AKAP13: variants seen among roughly 807,000 people sequenced by gnomAD.
The protein encoded by AKAP13 is A-kinase anchor protein 13.
A neutral mutation model predicts 264.5 loss-of-function variants in AKAP13; 80 were observed. The ratio of observed to expected loss-of-function variants is 0.30; its 90% CI spans 0.25 to 0.36. The LOEUF is 0.36. Among genes scored for constraint, AKAP13 ranks in the 10% least tolerant of loss-of-function variants. The pLI is 1.00. For missense variants in AKAP13, 3,712 were observed against 3,435.2 expected (o/e 1.08, Z -2.01); for synonymous variants, 1,380 against 1,250.2 (o/e 1.10, Z -2.19).
intron 1 of AKAP13, among the ~76,000 whole-genome samples, chr15:85,410,017 A>C (rs1179286475): frequency 2.0e-5 from 3 of 151,672 alleles, no homozygotes; most frequent in Non-Finnish European, 2.9e-5. Context: ...CAAATGAAGA[A>C]ATTAGTTTCC....
At chr15:85,453,927 G>A (rs2074186106) in intron 1 of AKAP13, among the ~76,000 whole-genome samples, 1 of 152,250 alleles carries the variant, frequency 6.6e-6, no homozygotes, top group Admixed American at 6.5e-5. Context: ...GCTGTGCTGT[G>A]CTGTGCTGGG....
intron 35 of AKAP13, 100 bp from the exon 36 acceptor site, chr15:85,743,392 C>G (rs1597251474): frequency 2.3e-6 from 3 of 1,321,828 alleles, no homozygotes; most frequent in Non-Finnish European, 3.1e-6. Context: ...GGGTAAGTAC[C>G]CAGCCAGCAC....
In AKAP13 at chr15:85,470,973, C is replaced by T. The variant is rs369602846; in HGVS notation, c.-11-14737C>T. 1.4e-4 allele frequency among the ~76,000 whole-genome samples: 21 copies of T among 152,330 alleles called. No homozygotes were observed. In the East Asian group the frequency reaches 3.5e-3, roughly 25 times the overall value. On this transcript the variant is annotated intron_variant, in intron 1 of 36. Transcript: ENST00000394518. ...CTTTGTAGCGCTTTTAAACAAACAT[C>T]TGGCACTATCTTAGTTACCTAGTTT...
chr15:85,644,152 A>G (rs1229179074), intron 9 of AKAP13, among the ~76,000 whole-genome samples: 1 of 152,020 alleles, frequency 6.6e-6, no homozygotes, highest in African/African-American at 2.4e-5. Flanking sequence ...TCACCTACAA[A>G]TTTGATAAAG....
chr15:85,682,025 AGGAGGAGGTACCATGT>A, intron 14 of AKAP13, 117 bp from the exon 15 acceptor site: 1 of 753,234 alleles, frequency 1.3e-6, no homozygotes, highest in Non-Finnish European at 2.2e-6. Context: ...AACCTTTAGA[AGGAGGAGGTACCATGT>A]GCTGACTTTC....
chr15:85,737,490 C>T (rs2088628132), intron 33 of AKAP13, among the ~76,000 whole-genome samples: 1 of 152,086 alleles, frequency 6.6e-6, no homozygotes, highest in South Asian at 2.1e-4. Flanking sequence ...TTGCTTTTAA[C>T]GTTAAGTTAA....
Position 85,582,118 on chromosome 15 carries a change from CATA to C in AKAP13, c.4039+15_4039+17del. ...CTGAGCCAGCAGCAGGTAAGCAAAA[CATA>C]ATACAAAATTAACAGTCTGAGAAGC... On this transcript the variant is annotated intron_variant, in intron 7 of 36. Transcript: ENST00000394518. The C allele has an allele frequency of 6.4e-7, 1 of 1,568,932 alleles. No individual in the cohort carries two copies. The highest frequency in any genetic ancestry group is 8.6e-7 in the Non-Finnish European group (1 of 1,161,024).
intron 16 of AKAP13, among the ~76,000 whole-genome samples, chr15:85,690,877 T>A (rs2085244871): frequency 6.6e-6 from 1 of 152,226 alleles, no homozygotes; most frequent in African/African-American, 2.4e-5. Flanking sequence ...TTATTAAACA[T>A]CTCTAAGCTT....
intron 1 of AKAP13, among the ~76,000 whole-genome samples, chr15:85,385,981 A>G (rs1160185962): frequency 6.6e-6 from 1 of 151,962 alleles, no homozygotes; most frequent in African/African-American, 2.4e-5. Flanking sequence ...ACACACCACC[A>G]CACCCAGCTA....
intron 36 of AKAP13, 36 bp from the exon 37 acceptor site, chr15:85,744,592 C>A: frequency 6.2e-7 from 1 of 1,611,644 alleles, no homozygotes; most frequent in Non-Finnish European, 8.5e-7. Context: ...AGCAGTTTTT[C>A]TGAATTTTTT....
intron 1 of AKAP13, among the ~76,000 whole-genome samples, chr15:85,467,007 G>A (rs2151014138): frequency 6.6e-6 from 1 of 151,542 alleles, no homozygotes; most frequent in Non-Finnish European, 1.5e-5. Flanking sequence ...GGTTTGTTAA[G>A]TAAATAGTAA....
At chr15:85,512,598 C>T (rs890584607) in intron 2 of AKAP13, among the ~76,000 whole-genome samples, 9 of 152,080 alleles carry the variant, frequency 5.9e-5, no homozygotes, top group Non-Finnish European at 1.2e-4. Context: ...TTTGAATTCC[C>T]GCTTGACCCC....
intron 1 of AKAP13, among the ~76,000 whole-genome samples, chr15:85,397,130 T>TA (rs1567037242): frequency 6.7e-6 from 1 of 149,016 alleles, no homozygotes; most frequent in Non-Finnish European, 1.5e-5. Context: ...AATACCTCCA[T>TA]AAATCTTGTA....
chr15:85,488,554 T>A (rs1400372495), intron 2 of AKAP13, among the ~76,000 whole-genome samples: 1 of 152,218 alleles, frequency 6.6e-6, no homozygotes, highest in Non-Finnish European at 1.5e-5. Flanking sequence ...TCATACTTGA[T>A]TAAGTTGAGG....
intron 3 of AKAP13, among the ~76,000 whole-genome samples, chr15:85,529,617 T>G (rs1477486446): frequency 1.3e-5 from 2 of 152,200 alleles, no homozygotes; most frequent in African/African-American, 4.8e-5. Flanking sequence ...ACCCCCCAGG[T>G]GCTTTATCAG....
chr15:85,607,353 A>G (rs574445553), intron 8 of AKAP13, among the ~76,000 whole-genome samples: 2 of 152,242 alleles, frequency 1.3e-5, no homozygotes, highest in East Asian at 1.9e-4. Flanking sequence ...AGAATTTACC[A>G]TAGTTACTTG....
At chr15:85,488,935 AG>A (rs1284147898) in intron 2 of AKAP13, among the ~76,000 whole-genome samples, 2 of 152,256 alleles carry the variant, frequency 1.3e-5, no homozygotes, top group Non-Finnish European at 2.9e-5. Context: ...GAAAACTAAT[AG>A]AGTAGTAGTT....
At chr15:85,453,819 G>T (rs990740155) in intron 1 of AKAP13, among the ~76,000 whole-genome samples, 1 of 152,042 alleles carries the variant, frequency 6.6e-6, no homozygotes, top group African/African-American at 2.4e-5. Flanking sequence ...CTTGGGTGGG[G>T]GTGGCTGGAG....
At chr15:85,568,655 T>A (rs1289049092) in intron 5 of AKAP13, among the ~76,000 whole-genome samples, 1 of 152,168 alleles carries the variant, frequency 6.6e-6, no homozygotes, top group Non-Finnish European at 1.5e-5. Flanking sequence ...GTGACCTTGG[T>A]CATGAAGTTC....
Sources: allele counts gnomAD v4.1 joint callset (sites outside exome capture counted in the v4.1 genomes callset), GRCh38; gene constraint gnomAD v4.1.1; transcripts MANE v1.5; gene names NCBI Gene and HGNC (gene_info 2026-07-23, HGNC 2026-07-21).